GABBR1: variants seen among roughly 807,000 people sequenced by gnomAD.
GABBR1 encodes the protein gamma-aminobutyric acid type B receptor subunit 1.
A neutral mutation model predicts 117.7 loss-of-function variants in GABBR1; 35 were observed. The ratio of observed to expected loss-of-function variants is 0.30; its 90% CI spans 0.23 to 0.39. The LOEUF (loss-of-function observed/expected upper bound fraction) is 0.39, where lower values mean the gene tolerates loss of function less well. GABBR1 is among the 10% of genes least tolerant of loss of function. The pLI, the probability that GABBR1 is intolerant of heterozygous loss-of-function variation, is 1.00. For synonymous variants in GABBR1, 442 were observed against 486.6 expected, an observed-to-expected ratio of 0.91 and a Z score of 1.21; for missense variants, 709 against 1,241.8, an observed-to-expected ratio of 0.57 and a Z score of 6.45.
At position 29,606,274 on chromosome 6, in the gene GABBR1, G is replaced by A. The variant is rs746109692; in HGVS notation, c.2311+117C>T. 5.4e-6 allele frequency: 4 copies of A among 741,244 alleles called. No homozygotes were observed. The highest frequency in any genetic ancestry group is 9.8e-6 in the Non-Finnish European group (4 of 409,294). The allele number at this position is 741,244 out of a possible 1,614,324, so 45.9% of individuals were successfully genotyped here. Reference sequence around the variant, plus strand: ...TAACAAAGAGTAGGGTGTTCAAACTGGGTTGACAAGCTCTCTACCTCCTCT... The same window carrying A: ...TAACAAAGAGTAGGGTGTTCAAACTAGGTTGACAAGCTCTCTACCTCCTCT... On this transcript the variant is annotated intron_variant, in intron 19 of 22. Coordinates refer to ENST00000377034, the MANE Select transcript of GABBR1 (RefSeq NM_001470.4). This position sits in a 1 kb window ranked among gnomAD's most constrained non-coding sequence, Gnocchi z 4.5.
In GABBR1 at chr6:29,606,891, T is replaced by C; in HGVS notation, c.2217+6A>G. On this transcript the variant is annotated splice_donor_region_variant and intron_variant, in intron 18 of 22. Coordinates refer to ENST00000377034, the MANE Select transcript of GABBR1 (RefSeq NM_001470.4). The surrounding 1 kb of genome is among the most constrained non-coding windows in gnomAD (Gnocchi z 4.5). ...CCTGACCATAGCACCTCCTCTCCAG[T>C]GGTACCTCAATGGTCCGGTGCAGAG... is the stretch of plus-strand genomic sequence containing the variant. The C allele has an allele frequency of 1.2e-6, 2 of 1,611,478 alleles. No individual in the cohort carries two copies. Among genetic ancestry groups the C allele is most frequent in the Non-Finnish European group, 1.7e-6 (2 of 1,177,550 alleles).
At chr6:29,618,264 T>C (rs1446945161) in intron 11 of GABBR1, among the ~76,000 whole-genome samples, 2 of 152,166 alleles carry the variant, frequency 1.3e-5, no homozygotes, top group Admixed American at 6.5e-5. Flanking sequence ...CCTGCTCAGG[T>C]GGTCAGACCC....
intron 6 of GABBR1, among the ~76,000 whole-genome samples, chr6:29,625,955 C>T (rs1764226519): frequency 1.3e-5 from 2 of 152,152 alleles, no homozygotes; most frequent in Non-Finnish European, 2.9e-5. Flanking sequence ...TTCCTGTACC[C>T]TGCTGCTCTT....
At position 29,632,280 on chromosome 6, in the gene GABBR1, G is replaced by A; in HGVS notation, c.85+21C>T. The stretch of plus-strand genomic sequence containing the variant: ...GGAAGTGGAGCGAAGGAGGGCCGGA[G>A]GTCGTCGAAGAAGGATGCACCTTCT... On this transcript the variant is annotated intron_variant, in intron 2 of 22. Coordinates refer to ENST00000377034, the MANE Select transcript of GABBR1 (RefSeq NM_001470.4). The surrounding 1 kb of genome is among the most constrained non-coding windows in gnomAD (Gnocchi z 5.8). 7.4e-7 allele frequency: 1 copy of A among 1,355,344 alleles called. No homozygotes were observed. Among genetic ancestry groups the A allele is most frequent in the South Asian group, 1.8e-5 (1 of 56,044 alleles). 84.0% of individuals were successfully genotyped at this position (1,355,344 alleles called of 1,614,324 possible).
At chr6:29,608,270 C>T (rs881284) in intron 16 of GABBR1, among the ~76,000 whole-genome samples, 14,889 of 152,260 alleles carry the variant, frequency 0.098, 853 homozygotes, top group Middle Eastern at 0.21. Context: ...TGATTCTCAG[C>T]CCCCATACCA....
At position 29,632,247 on chromosome 6, in the gene GABBR1, A is replaced by C. The variant is rs1765065309; in HGVS notation, c.85+54T>G. ...ATGAGGACCAGAAATGAGGAGATGC[A>C]GGGAAAGGGAAGTGGAGCGAAGGAG... is the stretch of plus-strand genomic sequence containing the variant. On this transcript the variant is annotated intron_variant, in intron 2 of 22. Transcript: ENST00000377034. This position sits in a 1 kb window ranked among gnomAD's most constrained non-coding sequence, Gnocchi z 5.8. 9.6e-7 allele frequency: 1 copy of C among 1,041,540 alleles called. No homozygotes were observed. 64.5% of individuals were successfully genotyped at this position (1,041,540 alleles called of 1,614,324 possible).
At chr6:29,618,892 C>G (rs1222438793) in intron 11 of GABBR1, among the ~76,000 whole-genome samples, 1 of 152,134 alleles carries the variant, frequency 6.6e-6, no homozygotes, top group Non-Finnish European at 1.5e-5. Flanking sequence ...TGTATCCCTC[C>G]CCATCCCCTA....
Position 29,604,805 on chromosome 6 carries a change from G to A in GABBR1, c.2568+55C>T. On this transcript the variant is annotated intron_variant, in intron 21 of 22. Transcript: ENST00000377034. This position sits in a 1 kb window ranked among gnomAD's most constrained non-coding sequence, Gnocchi z 5.3. ...CAGAGGAACTCAGTAATATAGGAAG[G>A]AGGGATGGAGGGAACATGGGAACAA... 6 of 1,595,720 alleles carry A rather than the reference G, an allele frequency of 3.8e-6. No individual in the cohort carries two copies. Among genetic ancestry groups the A allele is most frequent in the Non-Finnish European group, 5.1e-6 (6 of 1,170,712 alleles).
rs772874236 is a variant in GABBR1 at position 29,622,082 on chromosome 6, C to T, written c.1065+22G>A. ...AGCTTGGTCCCTCCGTAAACAGAGC[C>T]CACCACTCCCAGCCATCTGACCTTC... On this transcript the variant is annotated intron_variant, in intron 9 of 22. Transcript: ENST00000377034. This position sits in a 1 kb window ranked among gnomAD's most constrained non-coding sequence, Gnocchi z 4.6. 5.0e-6 allele frequency: 8 copies of T among 1,596,586 alleles called. No homozygotes were observed. Among genetic ancestry groups the T allele is most frequent in the African/African-American group, 4.0e-5 (3 of 74,524 alleles).
rs552006062 is a variant in GABBR1, at chr6:29,603,513, C to G, written c.*30G>C. The stretch of plus-strand genomic sequence containing the variant: ...CCCTTCCCCTCTCCCTTTCCCTCCC[C>G]CTACTGGCCTGTCCTCCCTCACCCT... On this transcript the variant is annotated 3_prime_UTR_variant, in exon 23 of 23. Coordinates refer to ENST00000377034, the MANE Select transcript of GABBR1 (RefSeq NM_001470.4). 2.4e-4 allele frequency: 363 copies of G among 1,535,568 alleles called. 3 individuals carry two copies. In the South Asian group the frequency reaches 2.6e-3, roughly 11 times the overall value.
At position 29,603,494 on chromosome 6, in the gene GABBR1, C is replaced by T; in HGVS notation, c.*49G>A. On this transcript the variant is annotated 3_prime_UTR_variant, in exon 23 of 23. Transcript: ENST00000377034. ...CTGCTTCCTGAGTCCCCTGCCCTTC[C>T]CCTCTCCCTTTCCCTCCCCCTACTG... is the stretch of plus-strand genomic sequence containing the variant. The T allele has an allele frequency of 1.3e-6, 2 of 1,501,674 alleles. No homozygotes were observed. The highest frequency in any genetic ancestry group is 2.5e-5 in the East Asian group (1 of 40,756). The allele number at this position is 1,501,674 out of a possible 1,614,324, so 93.0% of individuals were successfully genotyped here.
Position 29,622,276 on chromosome 6 carries a change from CTG to C in GABBR1, c.964-73_964-72del. 9.9e-7 allele frequency: 1 copy of C among 1,005,492 alleles called. No individual in the cohort carries two copies. 62.3% of individuals were successfully genotyped at this position (1,005,492 alleles called of 1,614,324 possible). A position where few individuals can be genotyped will look rare whatever the true frequency, so the allele number is the denominator to read the frequency against. The stretch of plus-strand genomic sequence containing the variant: ...AGGGAATAAAGACCAGAGAGGTTAA[CTG>C]GGGATTTCAGAGCAATACTCAGATA... On this transcript the variant is annotated intron_variant, in intron 8 of 22. Transcript: ENST00000377034. The surrounding 1 kb of genome is among the most constrained non-coding windows in gnomAD (Gnocchi z 4.6).
Position 29,632,840 on chromosome 6 carries a change from T to C in GABBR1, c.-1+10A>G. The C allele has an allele frequency of 2.3e-6, 1 of 444,010 alleles. No homozygotes were observed. The allele number at this position is 444,010 out of a possible 1,614,324, so 27.5% of individuals were successfully genotyped here. On this transcript the variant is annotated intron_variant, in intron 1 of 22. Coordinates refer to ENST00000377034, the MANE Select transcript of GABBR1 (RefSeq NM_001470.4). This position sits in a 1 kb window ranked among gnomAD's most constrained non-coding sequence, Gnocchi z 5.8. Reference sequence around the variant, plus strand: ...TCCGAGCCCTGCTAACCCGGGGCCCTGGCTCTTACCTCGGCGCGCGGGCCC... The same window carrying C: ...TCCGAGCCCTGCTAACCCGGGGCCCCGGCTCTTACCTCGGCGCGCGGGCCC...
In GABBR1 at chr6:29,606,787, G is replaced by T. The variant is rs1386700124; in HGVS notation, c.2217+110C>A. On this transcript the variant is annotated intron_variant, in intron 18 of 22. Coordinates refer to ENST00000377034, the MANE Select transcript of GABBR1 (RefSeq NM_001470.4). The surrounding 1 kb of genome is among the most constrained non-coding windows in gnomAD (Gnocchi z 4.5). The stretch of plus-strand genomic sequence containing the variant: ...AGGAAGAGCTTCCAATACGAGGAAG[G>T]CACTCTCTCCAAGTAGCTTCATCCC... 2 of 846,094 alleles carry T rather than the reference G, an allele frequency of 2.4e-6. No individual in the cohort carries two copies. Among genetic ancestry groups the T allele is most frequent in the Non-Finnish European group, 3.8e-6 (2 of 528,482 alleles). The allele number at this position is 846,094 out of a possible 1,614,324, so 52.4% of individuals were successfully genotyped here.
At chr6:29,614,981 CAAA>C (rs202165362) in intron 11 of GABBR1, among the ~76,000 whole-genome samples, 1 of 81,174 alleles carries the variant, frequency 1.2e-5, no homozygotes, top group Admixed American at 1.5e-4. Flanking sequence ...TAAAACTGCT[CAAA>C]AAAAAAAAAA....
chr6:29,612,528 T>A, intron 13 of GABBR1, 23 bp downstream of exon 13: 2 of 1,610,812 alleles, frequency 1.2e-6, no homozygotes, highest in Non-Finnish European at 1.7e-6. Context: ...CCATGTCCGG[T>A]CCCCTCCTGC....
intron 5 of GABBR1, among the ~76,000 whole-genome samples, chr6:29,628,576 G>C (rs918447184): frequency 6.6e-6 from 1 of 151,684 alleles, no homozygotes; most frequent in Non-Finnish European, 1.5e-5. Context: ...AGGGAGACAG[G>C]ACATGGAATT....
Position 29,632,674 on chromosome 6 carries a change from T to C in GABBR1, c.-1+176A>G. The C allele has an allele frequency of 7.1e-7, 1 of 1,402,118 alleles. No homozygotes were observed. The allele number at this position is 1,402,118 out of a possible 1,614,324, so 86.9% of individuals were successfully genotyped here. A position where few individuals can be genotyped will look rare whatever the true frequency, so the allele number is the denominator to read the frequency against. On this transcript the variant is annotated intron_variant, in intron 1 of 22. Transcript: ENST00000377034. This position sits in a 1 kb window ranked among gnomAD's most constrained non-coding sequence, Gnocchi z 5.8. ...CCGGCCCCCGCGGCTCGCAGAAGCCTGGCTTACCCACGCTCCCGGCATCGG... is the reference window on the plus strand; with the variant it reads ...CCGGCCCCCGCGGCTCGCAGAAGCCCGGCTTACCCACGCTCCCGGCATCGG...
chr6:29,606,272 C>T lies in GABBR1; in HGVS notation c.2311+119G>A. 2.7e-6 allele frequency: 2 copies of T among 734,764 alleles called. No individual in the cohort carries two copies. The highest frequency in any genetic ancestry group is 4.9e-6 in the Non-Finnish European group (2 of 406,042). The allele number at this position is 734,764 out of a possible 1,614,324, so 45.5% of individuals were successfully genotyped here. ...AATAACAAAGAGTAGGGTGTTCAAA[C>T]TGGGTTGACAAGCTCTCTACCTCCT... On this transcript the variant is annotated intron_variant, in intron 19 of 22. Coordinates refer to ENST00000377034, the MANE Select transcript of GABBR1 (RefSeq NM_001470.4). The surrounding 1 kb of genome is among the most constrained non-coding windows in gnomAD (Gnocchi z 4.5).
Sources: allele counts gnomAD v4.1 joint callset (sites outside exome capture counted in the v4.1 genomes callset), GRCh38; gene constraint gnomAD v4.1.1; non-coding constraint Gnocchi (gnomAD v3.1); transcripts MANE v1.5; gene names NCBI Gene and HGNC (gene_info 2026-07-23, HGNC 2026-07-21).